SHTN1: variants seen among roughly 807,000 people sequenced by gnomAD.
SHTN1 encodes shootin-1.
Under a neutral mutation model 83.1 loss-of-function variants are expected in SHTN1, and 42 were observed. The observed-to-expected ratio is 0.51, with a 90% CI of 0.39 to 0.65. The LOEUF is 0.65. Among genes scored for constraint, SHTN1 ranks in the 30% least tolerant of loss-of-function variants. The pLI, the probability that SHTN1 is intolerant of heterozygous loss-of-function variation, is 0.00. For synonymous variants in SHTN1, 224 were observed against 247.7 expected, an observed-to-expected ratio of 0.90 and a Z score of 0.90; for missense variants, 622 against 737.8, an observed-to-expected ratio of 0.84 and a Z score of 1.82.
rs118057243 is a variant in SHTN1 at position 117,124,769 on chromosome 10, G to A, written c.-189+1538C>T. Among the ~76,000 whole-genome samples, 452 of 152,284 alleles carry A rather than the reference G, an allele frequency of 3.0e-3. 15 individuals are homozygous for A. In the East Asian group the frequency reaches 0.069, roughly 23 times the overall value. ...AGCCTGGGCGATGCAGTGAGACTCC[G>A]TCTCAAAAAATAAGATAAAATAAAA... On this transcript the variant is annotated intron_variant, in intron 1 of 17. Coordinates refer to the SHTN1 transcript ENST00000392901.
At chr10:116,982,445 A>G (rs1173631232) in intron 1 of SHTN1, among the ~76,000 whole-genome samples, 1 of 152,240 alleles carries the variant, frequency 6.6e-6, no homozygotes, top group Non-Finnish European at 1.5e-5. Context: ...ACACATATGT[A>G]TCACAGTGGA....
rs1850027420 is a variant in SHTN1 at position 116,957,479 on chromosome 10, C to T, written c.267+2657G>A. Among the ~76,000 whole-genome samples, 3 of 151,846 alleles carry T rather than the reference C, an allele frequency of 2.0e-5. No homozygotes were observed. The South Asian group carries it at 6.3e-4, about 32-fold the overall frequency. On this transcript the variant is annotated intron_variant, in intron 4 of 16. Coordinates refer to ENST00000355371, the MANE Select transcript of SHTN1 (RefSeq NM_001127211.3). Reference sequence around the variant, plus strand: ...ATGTTTGCCAGGATGGTCTCAATCTCCTGACCTCAGGTGATCTGCCCACCT... The same window carrying T: ...ATGTTTGCCAGGATGGTCTCAATCTTCTGACCTCAGGTGATCTGCCCACCT...
intron 1 of SHTN1, among the ~76,000 whole-genome samples, chr10:117,122,033 AAAAATAAAAAT>A (rs1434649386): frequency 2.0e-5 from 3 of 152,204 alleles, no homozygotes; most frequent in Non-Finnish European, 4.4e-5. Flanking sequence ...CCCCATCTCA[AAAAATAAAAAT>A]AAAATAAAAA....
At chr10:117,083,618 T>A (rs909157747) in intron 1 of SHTN1, among the ~76,000 whole-genome samples, 2 of 147,178 alleles carry the variant, frequency 1.4e-5, no homozygotes, top group African/African-American at 4.9e-5. Context: ...CTGGATAATA[T>A]CCTGCAGAGT....
chr10:117,022,917 A>G (rs989140677), intron 2 of SHTN1, among the ~76,000 whole-genome samples: 11 of 152,178 alleles, frequency 7.2e-5, no homozygotes, highest in African/African-American at 1.9e-4. Flanking sequence ...AACTCTGTCT[A>G]AAATAAACAA....
intron 7 of SHTN1, 77 bp downstream of exon 7, chr10:116,948,839 G>T: frequency 1.1e-6 from 1 of 939,258 alleles, no homozygotes; most frequent in South Asian, 2.8e-5. Context: ...TTAGGCACAG[G>T]TGTAAAATGA....
Position 116,951,955 on chromosome 10 carries a change from A to G in SHTN1, c.488T>C (p.Ile163Thr), listed in dbSNP as rs750879250. The change falls in exon 6 of 17, where the codon ATT becomes ACT. Residue 163 changes from isoleucine to threonine, a missense_variant. Physicochemically the swap from Ile to Thr is moderately conservative, Grantham distance 89. Coordinates refer to ENST00000355371, the MANE Select transcript of SHTN1 (RefSeq NM_001127211.3). ...SVQEEKKILA[I>T]ELENLKSKLV... Reference sequence around the variant, plus strand: ...TTTGCTCTTGAGATTTTCCAGCTCAATGGCTAAAATCTTCTTTTCCTCCTG... The same window carrying G: ...TTTGCTCTTGAGATTTTCCAGCTCAGTGGCTAAAATCTTCTTTTCCTCCTG... 54 of 1,600,320 alleles carry G rather than the reference A, an allele frequency of 3.4e-5. No homozygotes were observed. The highest frequency in any genetic ancestry group is 1.7e-4 in the Middle Eastern group (1 of 6,016).
At chr10:116,984,246 A>C (rs1006886409) in intron 1 of SHTN1, among the ~76,000 whole-genome samples, 1 of 152,226 alleles carries the variant, frequency 6.6e-6, no homozygotes, top group Non-Finnish European at 1.5e-5. Flanking sequence ...GCCATTAGCC[A>C]CAAGTAGCTA....
At chr10:116,968,303 A>G (rs1850474152) in intron 3 of SHTN1, among the ~76,000 whole-genome samples, 1 of 152,222 alleles carries the variant, frequency 6.6e-6, no homozygotes, top group African/African-American at 2.4e-5. Context: ...ACACGATTAC[A>G]TTTTTTACTA....
At chr10:116,933,208 G>T (rs1393226341) in intron 9 of SHTN1, among the ~76,000 whole-genome samples, 1 of 151,856 alleles carries the variant, frequency 6.6e-6, no homozygotes, top group African/African-American at 2.4e-5. Context: ...TGGGATACAT[G>T]TGTAGAATGT....
At chr10:116,917,278 G>A (rs570790035) in intron 12 of SHTN1, among the ~76,000 whole-genome samples, 34 of 152,226 alleles carry the variant, frequency 2.2e-4, no homozygotes, top group African/African-American at 7.5e-4. Context: ...ATCTGGTATC[G>A]GTATGGGATT....
At chr10:116,968,879 A>G (rs1010058046) in intron 2 of SHTN1, among the ~76,000 whole-genome samples, 167 bp from the exon 3 acceptor site, 1 of 152,232 alleles carries the variant, frequency 6.6e-6, no homozygotes, top group African/African-American at 2.4e-5. Context: ...CTGCTCAGCC[A>G]GCATGGTGTT....
At chr10:117,095,468 C>T (rs778552142) in intron 1 of SHTN1, among the ~76,000 whole-genome samples, 5 of 152,082 alleles carry the variant, frequency 3.3e-5, no homozygotes, top group Non-Finnish European at 4.4e-5. Flanking sequence ...AGGTTTGCTT[C>T]GAAAATATCA....
chr10:117,077,534 T>A (rs1853178826), intron 1 of SHTN1, among the ~76,000 whole-genome samples: 2 of 152,168 alleles, frequency 1.3e-5, no homozygotes, highest in African/African-American at 2.4e-5. Context: ...ACGTGCAGGT[T>A]TGTTACATAT....
At chr10:116,907,925 G>A (rs2133339539) in intron 14 of SHTN1, 1 of 517,504 alleles carries the variant, frequency 1.9e-6, no homozygotes, top group Non-Finnish European at 3.9e-6. Context: ...ACTACCTGAA[G>A]GATTCTAATA....
At chr10:116,967,342 T>C (rs568297174) in intron 3 of SHTN1, among the ~76,000 whole-genome samples, 4 of 152,354 alleles carry the variant, frequency 2.6e-5, no homozygotes, top group East Asian at 1.9e-4. Context: ...AATGTAACTT[T>C]CTTCAGTGAG....
intron 2 of SHTN1, among the ~76,000 whole-genome samples, chr10:117,044,142 T>G (rs911194940): frequency 1.3e-5 from 2 of 152,168 alleles, no homozygotes; most frequent in Non-Finnish European, 2.9e-5. Flanking sequence ...GTAAGTATTT[T>G]TCTCTTCCTC....
At chr10:116,951,154 G>A (rs369668007) in intron 6 of SHTN1, among the ~76,000 whole-genome samples, 1 of 152,200 alleles carries the variant, frequency 6.6e-6, no homozygotes, top group East Asian at 1.9e-4. Flanking sequence ...CCAGGGCAGC[G>A]GCTTGCATTG....
intron 2 of SHTN1, among the ~76,000 whole-genome samples, chr10:117,013,885 G>A (rs1385938098): frequency 1.3e-5 from 2 of 152,054 alleles, no homozygotes; most frequent in African/African-American, 4.8e-5. Flanking sequence ...ATAGGTGAAT[G>A]AACAAATATA....
Sources: gnomAD v4.1 joint callset for allele counts (sites outside exome capture counted in the v4.1 genomes callset) on GRCh38, gnomAD v4.1.1 for gene constraint, MANE v1.5 for transcripts, NCBI Gene and HGNC (gene_info 2026-07-23, HGNC 2026-07-21) for gene names.